The following PML variants were observed in gnomAD, a reference collection of about 807,000 sequenced individuals.
PML encodes the protein PML nuclear body scaffold.
PML carries 28 observed loss-of-function variants against 65.2 expected under a neutral mutation model. That is an observed-to-expected ratio of 0.43 (90% confidence interval 0.32 to 0.59). The LOEUF (loss-of-function observed/expected upper bound fraction) is 0.59, where lower values mean the gene tolerates loss of function less well. Ranked by LOEUF, PML falls within the 20% of genes least tolerant of loss-of-function variation. The pLI is 0.08. For missense variants in PML, 1,021 were observed against 1,203.4 expected (o/e 0.85, Z 2.24); for synonymous variants, 500 against 508.8 (o/e 0.98, Z 0.23).
In PML at chr15:74,037,707, C is replaced by T; in HGVS notation, c.1710+3177C>T. The T allele has an allele frequency of 1.0e-6, 1 of 985,354 alleles. No individual in the cohort carries two copies. The highest frequency in any genetic ancestry group is 1.2e-6 in the Non-Finnish European group (1 of 829,892). 61.0% of individuals were successfully genotyped at this position (985,354 alleles called of 1,614,324 possible). A position where few individuals can be genotyped will look rare whatever the true frequency, so the allele number is the denominator to read the frequency against. On this transcript the variant is annotated intron_variant, in intron 7 of 8. Coordinates refer to ENST00000268058, the MANE Select transcript of PML (RefSeq NM_033238.3). The surrounding 1 kb of genome is among the most constrained non-coding windows in gnomAD (Gnocchi z 4.2). ...GGCCCGGTCTTTCCTGGAAAGATCG[C>T]CTGCTCGGATGCAGCTCTGGGCACT...
chr15:74,025,194 C>A, intron 4 of PML: 1 of 504,708 alleles, frequency 2.0e-6, no homozygotes, highest in South Asian at 2.0e-5. Context: ...GTGGGGTAGA[C>A]AGTCGGCCAC....
At chr15:74,032,819 C>T in intron 5 of PML, 104 bp downstream of exon 5, 1 of 1,234,910 alleles carries the variant, frequency 8.1e-7, no homozygotes, top group South Asian at 1.2e-5. Flanking sequence ...CAGATCAGCT[C>T]TTTGTGGGAA....
chr15:74,002,823 C>G (rs902774140), intron 2 of PML, among the ~76,000 whole-genome samples: 11 of 152,044 alleles, frequency 7.2e-5, no homozygotes, highest in South Asian at 2.1e-4. Context: ...GTGGTAACTT[C>G]CCCATCAAAA....
intron 7 of PML, among the ~76,000 whole-genome samples, chr15:74,040,599 T>A (rs1469630102): frequency 6.6e-6 from 1 of 152,194 alleles, no homozygotes; most frequent in East Asian, 1.9e-4. Context: ...AAGTCTTGTT[T>A]AAATGCGTCA....
intron 2 of PML, among the ~76,000 whole-genome samples, chr15:74,006,109 G>C (rs1273377458): frequency 6.6e-6 from 1 of 152,196 alleles, no homozygotes; most frequent in South Asian, 2.1e-4. Context: ...GAGAAAAGCA[G>C]GCTGGGTGCT....
intron 6 of PML, 124 bp downstream of exon 6, chr15:74,033,538 A>C: frequency 9.7e-7 from 1 of 1,026,390 alleles, no homozygotes; most frequent in Non-Finnish European, 1.5e-6. Context: ...TTCCCACTGA[A>C]TAAGATAGGG....
At chr15:74,013,735 AATTG>A (rs2070436409) in intron 2 of PML, among the ~76,000 whole-genome samples, 1 of 152,200 alleles carries the variant, frequency 6.6e-6, no homozygotes, top group Non-Finnish European at 1.5e-5. Context: ...GGCTTTAATT[AATTG>A]ATTATTTTAG....
intron 7 of PML, among the ~76,000 whole-genome samples, chr15:74,038,915 G>A (rs1264722077): frequency 6.6e-6 from 1 of 152,348 alleles, no homozygotes. Flanking sequence ...GGGTGGAGCA[G>A]TGAGTCCCCC....
chr15:74,034,028 C>T (rs751303109), intron 6 of PML: 262 of 347,110 alleles, frequency 7.5e-4, no homozygotes, highest in Non-Finnish European at 1.1e-3. Flanking sequence ...ACACACTGAG[C>T]ACTGACTGAT....
intron 2 of PML, among the ~76,000 whole-genome samples, chr15:73,999,693 AT>A (rs147894664): frequency 0.026 from 3,963 of 152,308 alleles, 65 homozygotes; most frequent in South Asian, 0.041. Context: ...AAAGAAAAAA[AT>A]GTATGCATTT....
At chr15:74,018,343 G>GAA (rs2070689905) in intron 2 of PML, among the ~76,000 whole-genome samples, 3 of 147,716 alleles carry the variant, frequency 2.0e-5, no homozygotes, top group African/African-American at 7.5e-5. Context: ...AAAAAGAAAA[G>GAA]AAAAAGAAAG....
At chr15:74,020,158 G>A (rs1406253059) in intron 2 of PML, among the ~76,000 whole-genome samples, 1 of 152,130 alleles carries the variant, frequency 6.6e-6, no homozygotes, top group African/African-American at 2.4e-5. Context: ...ATTAAACGTA[G>A]CATTGATGAG....
In PML at chr15:74,037,623, G is replaced by C. The variant is rs2071600607; in HGVS notation, c.1710+3093G>C. On this transcript the variant is annotated intron_variant, in intron 7 of 8. Transcript: ENST00000268058. The surrounding 1 kb of genome is among the most constrained non-coding windows in gnomAD (Gnocchi z 4.2). ...GCGCTTCCCCGCCAGTACCAGGGTG[G>C]CCTCTGTGCCTCTAGGTGCAGTGTC... The C allele has an allele frequency of 1.0e-6, 1 of 985,228 alleles. No individual in the cohort carries two copies. The highest frequency in any genetic ancestry group is 5.2e-4 in the Middle Eastern group (1 of 1,936). 61.0% of individuals were successfully genotyped at this position (985,228 alleles called of 1,614,324 possible).
At position 74,023,271 on chromosome 15, in the gene PML, A is replaced by G; in HGVS notation, c.1046A>G (p.His349Arg). The change falls in exon 3 of 9, where the codon CAC becomes CGC. Residue 349 changes from histidine (H) to arginine (R), a missense_variant. Coordinates refer to ENST00000268058, the MANE Select transcript of PML (RefSeq NM_033238.3). ...TCGGACCAGGAGGTGCTGGACATGC[A>G]CGGTTTCCTGCGCCAGGCGCTCTGC... Reference protein sequence around the residue: ...YASDQEVLDMHGFLRQALCRL... With the variant: ...YASDQEVLDMRGFLRQALCRL... 1 of 1,610,858 alleles carries G rather than the reference A, an allele frequency of 6.2e-7. No individual in the cohort carries two copies. The highest frequency in any genetic ancestry group is 8.5e-7 in the Non-Finnish European group (1 of 1,179,638).
Position 74,037,651 on chromosome 15 carries a change from G to A in PML, c.1710+3121G>A, listed in dbSNP as rs146521177. 2.4e-5 allele frequency: 24 copies of A among 985,322 alleles called. No individual in the cohort carries two copies. Among genetic ancestry groups the A allele is most frequent in the African/African-American group, 1.4e-4 (8 of 57,308 alleles). The allele number at this position is 985,322 out of a possible 1,614,324, so 61.0% of individuals were successfully genotyped here. A position where few individuals can be genotyped will look rare whatever the true frequency, so the allele number is the denominator to read the frequency against. Reference sequence around the variant, plus strand: ...TCTGTGCCTCTAGGTGCAGTGTCGCGTTTAGTCGTTATTATTCTTGACCGG... The same window carrying A: ...TCTGTGCCTCTAGGTGCAGTGTCGCATTTAGTCGTTATTATTCTTGACCGG... On this transcript the variant is annotated intron_variant, in intron 7 of 8. Coordinates refer to ENST00000268058, the MANE Select transcript of PML (RefSeq NM_033238.3). The surrounding 1 kb of genome is among the most constrained non-coding windows in gnomAD (Gnocchi z 4.2).
chr15:74,038,142 A>T (rs891158434), intron 7 of PML, among the ~76,000 whole-genome samples: 1 of 152,048 alleles, frequency 6.6e-6, no homozygotes, highest in African/African-American at 2.4e-5. Flanking sequence ...ACTTCTTTCC[A>T]TCCCATAATC....
chr15:74,000,788 C>T (rs959857165), intron 2 of PML, among the ~76,000 whole-genome samples: 1 of 152,116 alleles, frequency 6.6e-6, no homozygotes, highest in African/African-American at 2.4e-5. Flanking sequence ...TCCACGGGTG[C>T]GTAACCTGCA....
intron 2 of PML, among the ~76,000 whole-genome samples, chr15:74,004,901 A>C (rs2141741577): frequency 6.6e-6 from 1 of 151,958 alleles, no homozygotes; most frequent in Middle Eastern, 3.4e-3. Flanking sequence ...TAGTAGACAC[A>C]AGGTTTTGCC....
intron 2 of PML, among the ~76,000 whole-genome samples, chr15:74,001,397 G>A (rs1459635113): frequency 6.6e-6 from 1 of 151,368 alleles, no homozygotes; most frequent in Non-Finnish European, 1.5e-5. Flanking sequence ...CTGGAGTGCA[G>A]TGGTAGATCT....
Sources: allele counts gnomAD v4.1 joint callset (sites outside exome capture counted in the v4.1 genomes callset), GRCh38; gene constraint gnomAD v4.1.1; non-coding constraint Gnocchi (gnomAD v3.1); transcripts MANE v1.5; gene names NCBI Gene and HGNC (gene_info 2026-07-23, HGNC 2026-07-21).